The following ABLIM2 variants were observed in gnomAD, a reference collection of about 807,000 sequenced individuals.
ABLIM2 encodes actin-binding LIM protein 2.
Under a neutral mutation model 97.7 loss-of-function variants are expected in ABLIM2, and 53 were observed. The observed-to-expected ratio is 0.54, with a 90% CI of 0.44 to 0.68. The LOEUF (loss-of-function observed/expected upper bound fraction) is 0.68. Ranked by LOEUF, ABLIM2 falls within the 30% of genes least tolerant of loss-of-function variation. The pLI is 0.00. For synonymous variants in ABLIM2, 361 were observed against 345.8 expected, an observed-to-expected ratio of 1.04 and a Z score of -0.49; for missense variants, 835 against 867.2, an observed-to-expected ratio of 0.96 and a Z score of 0.47.
At chr4:8,108,041 T>A (rs1838335490) in intron 1 of ABLIM2, among the ~76,000 whole-genome samples, 2 of 152,198 alleles carry the variant, frequency 1.3e-5, no homozygotes, top group African/African-American at 4.8e-5. Flanking sequence ...TCTCACACCT[T>A]GATTTTAGCC....
At position 8,138,005 on chromosome 4, in the gene ABLIM2, G is replaced by C. The variant is rs78825059; in HGVS notation, c.10+20675C>G. On this transcript the variant is annotated intron_variant, in intron 1 of 20. Transcript: ENST00000447017. Reference sequence around the variant, plus strand: ...CAGCCTTAAAAAGGAGAGGAATTCTGACACAGGCTATGACATGGATGACCC... The same window carrying C: ...CAGCCTTAAAAAGGAGAGGAATTCTCACACAGGCTATGACATGGATGACCC... Among the ~76,000 whole-genome samples the C allele has an allele frequency of 3.3e-5, 5 of 152,340 alleles. No homozygotes were observed. In the East Asian group the frequency reaches 9.6e-4, roughly 29 times the overall value.
At chr4:8,098,377 T>C (rs1832770057) in intron 2 of ABLIM2, among the ~76,000 whole-genome samples, 1 of 152,258 alleles carries the variant, frequency 6.6e-6, no homozygotes. Flanking sequence ...ACGTCGTTTC[T>C]GCACATTGTG....
Position 8,019,489 on chromosome 4 carries a change from G to GAC in ABLIM2, c.1423+127_1423+128dup. 1 of 814,260 alleles carries GAC rather than the reference G, an allele frequency of 1.2e-6. No individual in the cohort carries two copies. The highest frequency in any genetic ancestry group is 1.9e-6 in the Non-Finnish European group (1 of 527,566). The allele number at this position is 814,260 out of a possible 1,614,324, so 50.4% of individuals were successfully genotyped here. A position where few individuals can be genotyped will look rare whatever the true frequency, so the allele number is the denominator to read the frequency against. On this transcript the variant is annotated intron_variant, in intron 14 of 20. Transcript: ENST00000447017. This position sits in a 1 kb window ranked among gnomAD's most constrained non-coding sequence, Gnocchi z 4.3. ...CTAGTGAATTTGCATTTAATAGTCA[G>GAC]ACTGCTAAGGGCCTTGGTGGTGCCT...
rs898420001 is a variant in ABLIM2, at chr4:8,069,154, A to C, written c.676-8100T>G. On this transcript the variant is annotated intron_variant, in intron 6 of 20. Coordinates refer to ENST00000447017, the MANE Select transcript of ABLIM2 (RefSeq NM_001130083.2). The surrounding 1 kb of genome is among the most constrained non-coding windows in gnomAD (Gnocchi z 4.2). Reference sequence around the variant, plus strand: ...TCTTCCTCTCTACCCAGCTCCCGTTAAGGCGTGAGCCTCAGGAGCGCTTGG... The same window carrying C: ...TCTTCCTCTCTACCCAGCTCCCGTTCAGGCGTGAGCCTCAGGAGCGCTTGG... 2.6e-5 allele frequency among the ~76,000 whole-genome samples: 4 copies of C among 152,204 alleles called. No individual in the cohort carries two copies. The highest frequency in any genetic ancestry group is 5.9e-5 in the Non-Finnish European group (4 of 68,034).
At chr4:8,146,720 G>A (rs1851855218) in intron 1 of ABLIM2, among the ~76,000 whole-genome samples, 1 of 152,064 alleles carries the variant, frequency 6.6e-6, no homozygotes, top group African/African-American at 2.4e-5. Context: ...TGTAGAGGCG[G>A]GATCTCACTA....
rs1346227611 is a variant in ABLIM2, at chr4:8,069,525, G to A, written c.675+8103C>T. Among the ~76,000 whole-genome samples the A allele has an allele frequency of 6.6e-6, 1 of 152,212 alleles. No individual in the cohort carries two copies. The highest frequency in any genetic ancestry group is 2.4e-5 in the African/African-American group (1 of 41,456). On this transcript the variant is annotated intron_variant, in intron 6 of 20. Coordinates refer to ENST00000447017, the MANE Select transcript of ABLIM2 (RefSeq NM_001130083.2). This position sits in a 1 kb window ranked among gnomAD's most constrained non-coding sequence, Gnocchi z 4.2. ...TGATGCGCTGCCGGCATGAGGCAAG[G>A]CAGGAAGGCAGAGATGCGGCAAAGG...
intron 20 of ABLIM2, among the ~76,000 whole-genome samples, chr4:7,976,724 T>C (rs569172269): frequency 2.6e-5 from 4 of 151,948 alleles, no homozygotes; most frequent in Non-Finnish European, 5.9e-5. Flanking sequence ...TCCATATGCA[T>C]ACACACACAT....
intron 20 of ABLIM2, among the ~76,000 whole-genome samples, chr4:7,977,279 G>A (rs1734256558): frequency 6.6e-6 from 1 of 152,094 alleles, no homozygotes; most frequent in East Asian, 1.9e-4. Context: ...ATGCAGAACT[G>A]TGAGCAAATT....
rs1260160067 is a variant in ABLIM2, at chr4:8,147,201, CCA to C, written c.10+11477_10+11478del. On this transcript the variant is annotated intron_variant, in intron 1 of 20. Transcript: ENST00000447017. The surrounding 1 kb of genome is among the most constrained non-coding windows in gnomAD (Gnocchi z 5.3). ...AGATTAGACCAATTCATATTCTTAT[CCA>C]CAGTCTGTGACAGGATCTAACTCCC... 1.3e-5 allele frequency among the ~76,000 whole-genome samples: 2 copies of C among 152,210 alleles called. No individual in the cohort carries two copies. Among genetic ancestry groups the C allele is most frequent in the Admixed American group, 1.3e-4 (2 of 15,274 alleles).
At position 8,125,238 on chromosome 4, in the gene ABLIM2, T is replaced by C. The variant is rs1847324902; in HGVS notation, c.11-18601A>G. Among the ~76,000 whole-genome samples, 1 of 152,254 alleles carries C rather than the reference T, an allele frequency of 6.6e-6. No homozygotes were observed. The highest frequency in any genetic ancestry group is 1.9e-4 in the East Asian group (1 of 5,194). On this transcript the variant is annotated intron_variant, in intron 1 of 20. Transcript: ENST00000447017. This position sits in a 1 kb window ranked among gnomAD's most constrained non-coding sequence, Gnocchi z 6.2. ...TTGATGAAATCCAGTCGTCTATATC[T>C]TGTTATGACGGCTTGGGCTTTGGTG... is the stretch of plus-strand genomic sequence containing the variant.
chr4:8,139,017 C>T lies in ABLIM2; in HGVS notation c.10+19663G>A, dbSNP rs1052595187. Among the ~76,000 whole-genome samples the T allele has an allele frequency of 3.9e-5, 6 of 152,246 alleles. No homozygotes were observed. The East Asian group carries it at 5.8e-4, about 15-fold the overall frequency. ...TTCAAGACCAGCCTGGCCAACATGG[C>T]GAAACGCCGTCTCTAATAAAAATAC... On this transcript the variant is annotated intron_variant, in intron 1 of 20. Transcript: ENST00000447017.
intron 1 of ABLIM2, among the ~76,000 whole-genome samples, chr4:8,117,955 G>A (rs1169300992): frequency 3.9e-5 from 6 of 152,224 alleles, no homozygotes; most frequent in African/African-American, 1.4e-4. Flanking sequence ...CACATTCTCT[G>A]GGCTTCATGC....
intron 11 of ABLIM2, 46 bp from the exon 12 acceptor site, chr4:8,027,903 G>A: frequency 2.2e-6 from 3 of 1,368,852 alleles, no homozygotes; most frequent in Non-Finnish European, 3.0e-6. Flanking sequence ...GGGCTGGCTG[G>A]TGCAACGCCA....
At chr4:8,024,832 C>T (rs1203701136) in intron 12 of ABLIM2, among the ~76,000 whole-genome samples, 3 of 152,222 alleles carry the variant, frequency 2.0e-5, no homozygotes, top group East Asian at 1.9e-4. Context: ...CCCAAGGTTA[C>T]GGACAGCCAG....
At position 8,002,257 on chromosome 4, in the gene ABLIM2, C is replaced by A. The variant is rs1224931325; in HGVS notation, c.1618+5802G>T. Among the ~76,000 whole-genome samples the A allele has an allele frequency of 6.6e-6, 1 of 152,188 alleles. No homozygotes were observed. Among genetic ancestry groups the A allele is most frequent in the East Asian group, 1.9e-4 (1 of 5,176 alleles). ...GGCTCTCCAAGCCAACATGAAGACA[C>A]CCACCTGTTCTCATCCCATCTCTGA... On this transcript the variant is annotated intron_variant, in intron 16 of 20. Transcript: ENST00000447017. This position sits in a 1 kb window ranked among gnomAD's most constrained non-coding sequence, Gnocchi z 6.1.
chr4:8,119,885 T>A lies in ABLIM2; in HGVS notation c.11-13248A>T, dbSNP rs937209622. On this transcript the variant is annotated intron_variant, in intron 1 of 20. Coordinates refer to ENST00000447017, the MANE Select transcript of ABLIM2 (RefSeq NM_001130083.2). Reference sequence around the variant, plus strand: ...GTCAGGGGAGGGGTTCCCAGCCCAGTGGGAAGAGCAGACCCTTCGCCTCCG... The same window carrying A: ...GTCAGGGGAGGGGTTCCCAGCCCAGAGGGAAGAGCAGACCCTTCGCCTCCG... Among the ~76,000 whole-genome samples the A allele has an allele frequency of 1.1e-4, 16 of 152,146 alleles. No individual in the cohort carries two copies. In the East Asian group the frequency reaches 2.3e-3, roughly 22 times the overall value.
In ABLIM2 at chr4:8,087,858, C is replaced by T. The variant is rs1178235030; in HGVS notation, c.454+311G>A. Among the ~76,000 whole-genome samples the T allele has an allele frequency of 1.3e-5, 2 of 152,014 alleles. No homozygotes were observed. The highest frequency in any genetic ancestry group is 3.9e-4 in the East Asian group (2 of 5,180). On this transcript the variant is annotated intron_variant, in intron 4 of 20. Transcript: ENST00000447017. The surrounding 1 kb of genome is among the most constrained non-coding windows in gnomAD (Gnocchi z 4.6). ...CTTGGCGGCACGAGAGCCCCAGAAA[C>T]TTCCATCCCTGGCTGCCTCCTCACA...
At position 8,036,252 on chromosome 4, in the gene ABLIM2, G is replaced by C. The variant is rs1475238834; in HGVS notation, c.944C>G (p.Ala315Gly). Residue 315 changes from alanine to glycine, a missense_variant, in exon 10 of 21, where the codon GCC becomes GGC. By Grantham distance (60) the Ala-to-Gly change is moderately conservative (BLOSUM62 0). Coordinates refer to ENST00000447017, the MANE Select transcript of ABLIM2 (RefSeq NM_001130083.2). Reference protein sequence around the residue: ...GEILDYRDLAALPKSKAIYDI... With the variant: ...GEILDYRDLAGLPKSKAIYDI... ...ATAGATGGCCTTACTTTTAGGAAGG[G>C]CTGCCAAGTCCCTGTAGTCCAGGAT... The C allele has an allele frequency of 1.9e-6, 3 of 1,613,766 alleles. No individual in the cohort carries two copies. The highest frequency in any genetic ancestry group is 2.5e-6 in the Non-Finnish European group (3 of 1,179,816).
At chr4:8,040,215 G>A (rs1787459017) in intron 9 of ABLIM2, among the ~76,000 whole-genome samples, 1 of 152,186 alleles carries the variant, frequency 6.6e-6, no homozygotes, top group South Asian at 2.1e-4. Flanking sequence ...GCACCCGACG[G>A]GGACATGGAA....
Sources: gnomAD v4.1 joint callset for allele counts (sites outside exome capture counted in the v4.1 genomes callset) on GRCh38, gnomAD v4.1.1 for gene constraint, Gnocchi (gnomAD v3.1) non-coding constraint, MANE v1.5 for transcripts, NCBI Gene and HGNC (gene_info 2026-07-23, HGNC 2026-07-21) for gene names.